The following TADA2A variants were observed in gnomAD, a reference collection of about 807,000 sequenced individuals.
TADA2A encodes transcriptional adapter 2-alpha.
TADA2A carries 38 observed loss-of-function variants against 67.4 expected under a neutral mutation model. The observed-to-expected ratio is 0.56, with a 90% CI of 0.44 to 0.74. The LOEUF (loss-of-function observed/expected upper bound fraction) is 0.74. Ranked by LOEUF, TADA2A falls within the 30% of genes least tolerant of loss-of-function variation. The probability of loss-of-function intolerance (pLI) is 0.00; values close to 1 mark genes in which losing one functional copy is unlikely to be tolerated. For synonymous variants in TADA2A, 192 were observed against 181.6 expected (o/e 1.06, Z -0.46); for missense variants, 454 against 547.0 (o/e 0.83, Z 1.70).
chr17:37,444,635 G>C lies in TADA2A; in HGVS notation c.532-61G>C, dbSNP rs1260093387. 4 of 1,397,054 alleles carry C rather than the reference G, an allele frequency of 2.9e-6. No homozygotes were observed. The African/African-American group carries it at 4.3e-5, about 15-fold the overall frequency. The allele number at this position is 1,397,054 out of a possible 1,614,324, so 86.5% of individuals were successfully genotyped here. On this transcript the variant is annotated intron_variant, in intron 7 of 15. Transcript: ENST00000615182. ...TGTTTACTTCTAAAGCATGGCTGCT[G>C]TAAAGACACTAATCAAAGCCGATGG...
Position 37,477,122 on chromosome 17 carries a change from G to A in TADA2A, c.*140G>A. 2.3e-6 allele frequency: 2 copies of A among 852,862 alleles called. 1 individual carries two copies. Among genetic ancestry groups the A allele is most frequent in the South Asian group, 3.9e-5 (2 of 51,568 alleles). The allele number at this position is 852,862 out of a possible 1,614,324, so 52.8% of individuals were successfully genotyped here. ...GGGGAAAGGACAAAGGAAACCTTAA[G>A]TTGTATTGTCTACTTTCTTCTCCAT... On this transcript the variant is annotated 3_prime_UTR_variant, in exon 16 of 16. Transcript: ENST00000615182.
chr17:37,444,819 A>C, intron 8 of TADA2A, 51 bp downstream of exon 8: 1 of 1,522,290 alleles, frequency 6.6e-7, no homozygotes, highest in Non-Finnish European at 9.1e-7. Context: ...GTGTGATGAC[A>C]CTGTCTTGGG....
chr17:37,474,478 A>C lies in TADA2A; in HGVS notation c.1073-78A>C. On this transcript the variant is annotated intron_variant, in intron 14 of 15. Transcript: ENST00000615182. ...TCCTATACCTAACTGGCCTGGCTGC[A>C]CTGAACTTTTTAATACTTTACACCT... The C allele has an allele frequency of 6.4e-6, 9 of 1,410,260 alleles. No individual in the cohort carries two copies. The South Asian group carries it at 1.1e-4, about 17-fold the overall frequency. The allele number at this position is 1,410,260 out of a possible 1,614,324, so 87.4% of individuals were successfully genotyped here. A position where few individuals can be genotyped will look rare whatever the true frequency, so the allele number is the denominator to read the frequency against.
intron 6 of TADA2A, 144 bp downstream of exon 6, chr17:37,440,806 C>T: frequency 1.9e-6 from 2 of 1,075,824 alleles, no homozygotes; most frequent in African/African-American, 1.6e-5. Context: ...TATTGAGAGT[C>T]AGGATCGACC....
intron 11 of TADA2A, among the ~76,000 whole-genome samples, chr17:37,466,210 G>A (rs1175625152): frequency 1.3e-5 from 2 of 152,142 alleles, no homozygotes; most frequent in South Asian, 2.1e-4. Context: ...TGCTTGAGTC[G>A]AGGAGTTCGA....
chr17:37,465,187 C>G (rs919969013), intron 10 of TADA2A, among the ~76,000 whole-genome samples: 1 of 151,758 alleles, frequency 6.6e-6, no homozygotes, highest in Non-Finnish European at 1.5e-5. Flanking sequence ...ATGAGTAGTG[C>G]TCAGTGGTGG....
chr17:37,433,298 A>G (rs1351305388), intron 4 of TADA2A, among the ~76,000 whole-genome samples: 4 of 152,028 alleles, frequency 2.6e-5, no homozygotes, highest in Admixed American at 6.6e-5. Context: ...GAGAGTTCCC[A>G]TCTATCCTTC....
At chr17:37,429,439 T>G (rs1326554757) in intron 4 of TADA2A, among the ~76,000 whole-genome samples, 1 of 152,076 alleles carries the variant, frequency 6.6e-6, no homozygotes, top group Non-Finnish European at 1.5e-5. Context: ...TTATTTTTAT[T>G]TTATTTATTT....
intron 2 of TADA2A, 151 bp from the exon 3 acceptor site, chr17:37,423,358 C>CT (rs899374176): frequency 7.3e-5 from 42 of 573,188 alleles, no homozygotes; most frequent in African/African-American, 1.3e-4. Flanking sequence ...ATAATTTTTG[C>CT]TTTTTTTTAT....
At chr17:37,465,930 C>T (rs2053655223) in intron 11 of TADA2A, among the ~76,000 whole-genome samples, 2 of 152,184 alleles carry the variant, frequency 1.3e-5, no homozygotes, top group South Asian at 4.1e-4. Context: ...CTGCCCTCAA[C>T]TGGATTATTC....
Position 37,440,575 on chromosome 17 carries a change from A to T in TADA2A, c.355A>T (p.Ile119Phe). Residue 119 changes from isoleucine (I) to phenylalanine (F), a missense_variant, in exon 6 of 16, where the codon ATC (isoleucine) becomes TTC (phenylalanine). Physicochemically the swap from Ile to Phe is conservative, Grantham distance 21. Around this residue, in one of 2 missense-constraint regions of TADA2A, gnomAD observed 403 missense variants for 455.5 expected, o/e 0.88. Transcript: ENST00000615182. ...TGAGAAGCACTATATGAAGCATTTC[A>T]TCAATAACCCTCTGTTTGCATCTAC... ...ECEKHYMKHF[I>F]NNPLFASTLL... The T allele has an allele frequency of 6.2e-7, 1 of 1,614,198 alleles. No individual in the cohort carries two copies. Among genetic ancestry groups the T allele is most frequent in the East Asian group, 2.2e-5 (1 of 44,888 alleles).
chr17:37,447,347 G>C (rs1466819072), intron 8 of TADA2A, among the ~76,000 whole-genome samples: 2 of 152,244 alleles, frequency 1.3e-5, no homozygotes, highest in East Asian at 3.9e-4. Context: ...TAGAGAGAGG[G>C]TTTTGCCATG....
intron 2 of TADA2A, among the ~76,000 whole-genome samples, chr17:37,412,523 C>T (rs569384921): frequency 1.3e-4 from 20 of 152,220 alleles, no homozygotes; most frequent in Non-Finnish European, 4.4e-5. Context: ...CCATGGCTCA[C>T]GCCTGTAATC....
chr17:37,434,280 T>G (rs2052657444), intron 4 of TADA2A, among the ~76,000 whole-genome samples: 1 of 152,182 alleles, frequency 6.6e-6, no homozygotes, highest in South Asian at 2.1e-4. Context: ...GCCTTCTCAT[T>G]TTATCATATC....
chr17:37,426,742 G>A, intron 3 of TADA2A: 1 of 424,422 alleles, frequency 2.4e-6, no homozygotes, highest in Admixed American at 4.5e-5. Context: ...CACTTTGGGA[G>A]ACTGAGGTAC....
intron 12 of TADA2A, among the ~76,000 whole-genome samples, chr17:37,470,074 T>C (rs2053753300): frequency 6.6e-6 from 1 of 152,108 alleles, no homozygotes; most frequent in African/African-American, 2.4e-5. Context: ...AGGAAGCAAA[T>C]ATGACTATAG....
At chr17:37,425,788 A>G (rs1447201422) in intron 3 of TADA2A, among the ~76,000 whole-genome samples, 2 of 149,930 alleles carry the variant, frequency 1.3e-5, no homozygotes, top group Admixed American at 6.7e-5. Flanking sequence ...ATCTGGGACT[A>G]CATGCTTGTG....
chr17:37,461,868 C>T, intron 9 of TADA2A: 1 of 491,846 alleles, frequency 2.0e-6, no homozygotes, highest in Non-Finnish European at 3.7e-6. Flanking sequence ...GTCTACTATG[C>T]CCAACAAGAG....
intron 8 of TADA2A, chr17:37,454,796 CA>C (rs2053340050): frequency 3.9e-6 from 1 of 255,940 alleles, no homozygotes; most frequent in East Asian, 1.1e-4. Flanking sequence ...TCAATGAAAA[CA>C]AGCTAGCAGG....
Sources: allele counts gnomAD v4.1 joint callset (sites outside exome capture counted in the v4.1 genomes callset), GRCh38; gene constraint gnomAD v4.1.1; regional missense constraint gnomAD v4.1.1; transcripts MANE v1.5; gene names NCBI Gene and HGNC (gene_info 2026-07-23, HGNC 2026-07-21).